Variants in GPHN observed in about 807,000 individuals in gnomAD.
The protein encoded by GPHN is gephyrin.
Under a neutral mutation model 95.5 loss-of-function variants are expected in GPHN, and 17 were observed. The observed-to-expected ratio is 0.18, with a 90% CI of 0.12 to 0.27. The LOEUF is 0.27. Among genes scored for constraint, GPHN ranks in the 10% least tolerant of loss-of-function variants. The probability of loss-of-function intolerance (pLI) is 1.00; values close to 1 mark genes in which losing one functional copy is unlikely to be tolerated. For synonymous variants in GPHN, 320 were observed against 322.5 expected, an observed-to-expected ratio of 0.99 and a Z score of 0.08; for missense variants, 660 against 978.1, an observed-to-expected ratio of 0.67 and a Z score of 4.34.
the GPHN span, among the ~76,000 whole-genome samples, chr14:67,312,357 C>A: frequency 6.6e-6 from 1 of 152,062 alleles, no homozygotes; most frequent in Non-Finnish European, 1.5e-5. Context: ...GGAGAAGGAT[C>A]GCTTGAGGCT....
chr14:67,440,689 T>C, the GPHN span, among the ~76,000 whole-genome samples: 14 of 152,102 alleles, frequency 9.2e-5, no homozygotes, highest in African/African-American at 3.4e-4. Context: ...GAGCCAAAGG[T>C]TGCAGTGAGC....
At chr14:67,406,643 T>C in the GPHN span, among the ~76,000 whole-genome samples, 7 of 152,160 alleles carry the variant, frequency 4.6e-5, no homozygotes, top group Non-Finnish European at 7.3e-5. Context: ...ATGTTAAACC[T>C]ATCACTCCGA....
intron 5 of GPHN, among the ~76,000 whole-genome samples, chr14:66,914,331 C>T (rs908499216): frequency 3.9e-5 from 6 of 152,072 alleles, no homozygotes; most frequent in Non-Finnish European, 8.8e-5. Context: ...TTACAACATT[C>T]TTGGAAAATA....
chr14:67,598,304 G>C, the GPHN span, among the ~76,000 whole-genome samples: 2 of 152,212 alleles, frequency 1.3e-5, no homozygotes, highest in South Asian at 4.2e-4. Flanking sequence ...AGAGTACACC[G>C]GCATGAGAGA....
chr14:67,632,484 G>A, the GPHN span, among the ~76,000 whole-genome samples: 1 of 152,088 alleles, frequency 6.6e-6, no homozygotes. Context: ...CACCCAGAGG[G>A]GAAACAGACT....
chr14:67,077,495 A>T (rs150349057), intron 11 of GPHN, among the ~76,000 whole-genome samples: 200 of 152,320 alleles, frequency 1.3e-3, no homozygotes, highest in African/African-American at 4.5e-3. Context: ...TGTCAGAATA[A>T]ATGCCCAACC....
At chr14:66,871,926 A>G (rs2063455463) in intron 4 of GPHN, among the ~76,000 whole-genome samples, 1 of 152,170 alleles carries the variant, frequency 6.6e-6, no homozygotes, top group South Asian at 2.1e-4. Flanking sequence ...TGTATACCGG[A>G]GCTTAAAGTA....
intron 1 of GPHN, among the ~76,000 whole-genome samples, chr14:66,521,025 A>C (rs912303372): frequency 8.5e-5 from 13 of 152,100 alleles, no homozygotes; most frequent in Admixed American, 3.9e-4. Flanking sequence ...CCCACAAAAG[A>C]CATGATCTCA....
intron 8 of GPHN, among the ~76,000 whole-genome samples, chr14:66,924,522 A>G (rs151246234): frequency 2.1e-4 from 32 of 152,338 alleles, no homozygotes; most frequent in African/African-American, 6.7e-4. Flanking sequence ...CATTTGTGAC[A>G]ATGAACTTTT....
chr14:67,447,716 C>T, the GPHN span: 1 of 152,194 alleles, frequency 6.6e-6, no homozygotes, highest in Non-Finnish European at 1.5e-5. Context: ...TAGTTTGCTC[C>T]TTTTCACCAA....
rs774804100 is a variant in GPHN at position 66,776,444 on chromosome 14, T to A, written c.144-20T>A. 2.1e-6 allele frequency: 3 copies of A among 1,427,586 alleles called. No homozygotes were observed. Among genetic ancestry groups the A allele is most frequent in the Middle Eastern group, 1.8e-4 (1 of 5,712 alleles). 88.4% of individuals were successfully genotyped at this position (1,427,586 alleles called of 1,614,324 possible). ...AACACTATTGCTGGTTTTGAGAATA[T>A]TTTCTTCTCCTAATTTCAGGTTGGG... is the stretch of plus-strand genomic sequence containing the variant. On this transcript the variant is annotated intron_variant, in intron 2 of 22. Transcript: ENST00000478722.
rs115173348 is a variant in GPHN at position 66,869,160 on chromosome 14, G to A, written c.295-10779G>A. On this transcript the variant is annotated intron_variant, in intron 4 of 22. Coordinates refer to ENST00000478722, the MANE Select transcript of GPHN (RefSeq NM_020806.5). Reference sequence around the variant, plus strand: ...GGAAACAGAACTTTAAGCTAGTTAAGGAAAAAATGGTTTCAAGCTTTTAAT... The same window carrying A: ...GGAAACAGAACTTTAAGCTAGTTAAAGAAAAAATGGTTTCAAGCTTTTAAT... 6.3e-3 allele frequency among the ~76,000 whole-genome samples: 957 copies of A among 152,100 alleles called. 11 individuals carry two copies. The highest frequency in any genetic ancestry group is 0.022 in the African/African-American group (902 of 41,514).
chr14:67,359,716 G>A, the GPHN span: 7 of 1,613,522 alleles, frequency 4.3e-6, no homozygotes, highest in Non-Finnish European at 5.9e-6. Context: ...ATAACTTTTC[G>A]GCTCGGGTCC....
chr14:67,277,798 G>T, the GPHN span, among the ~76,000 whole-genome samples: 2 of 152,110 alleles, frequency 1.3e-5, no homozygotes, highest in Non-Finnish European at 2.9e-5. Flanking sequence ...ATTAACTCAT[G>T]TGAAACTCAG....
At chr14:67,676,874 TTTTA>T in the GPHN span, 10 of 152,352 alleles carry the variant, frequency 6.6e-5, no homozygotes, top group Non-Finnish European at 1.0e-4. Flanking sequence ...CAAAAAGAAT[TTTTA>T]TTTGTCATTG....
the GPHN span, among the ~76,000 whole-genome samples, chr14:67,443,789 A>G: frequency 2.0e-5 from 3 of 152,116 alleles, no homozygotes; most frequent in Non-Finnish European, 2.9e-5. Flanking sequence ...AAAGAAAAAA[A>G]TAGATGCAGG....
At chr14:66,798,981 T>G (rs1488125598) in intron 3 of GPHN, among the ~76,000 whole-genome samples, 2 of 151,966 alleles carry the variant, frequency 1.3e-5, no homozygotes, top group East Asian at 3.8e-4. Flanking sequence ...GTACTGCTTT[T>G]GCTGTATCCC....
intron 2 of GPHN, among the ~76,000 whole-genome samples, chr14:66,720,599 A>G (rs1250727728): frequency 6.6e-6 from 1 of 152,226 alleles, no homozygotes; most frequent in Non-Finnish European, 1.5e-5. Flanking sequence ...TTAGTTTCTT[A>G]AAGCTGACCA....
At chr14:67,347,541 G>A in the GPHN span, 7 of 1,167,320 alleles carry the variant, frequency 6.0e-6, no homozygotes, top group South Asian at 4.2e-5. Flanking sequence ...TGCTCTTGTC[G>A]CCGAGGCTGG....
Sources: gnomAD v4.1 joint callset for allele counts (sites outside exome capture counted in the v4.1 genomes callset) on GRCh38, gnomAD v4.1.1 for gene constraint, MANE v1.5 for transcripts, NCBI Gene and HGNC (gene_info 2026-07-23, HGNC 2026-07-21) for gene names.